Variants in BRD10 observed in about 807,000 individuals in gnomAD.
The protein encoded by BRD10 is uncharacterized bromodomain-containing protein 10.
At chr9:5,981,334 T>A in the BRD10 span, among the ~76,000 whole-genome samples, 50 of 152,264 alleles carry the variant, frequency 3.3e-4, 1 homozygote, top group African/African-American at 1.2e-3. Flanking sequence ...GGGTACCAGT[T>A]ACTCTCTCTG....
chr9:5,940,071 C>T, the BRD10 span, among the ~76,000 whole-genome samples: 1 of 152,084 alleles, frequency 6.6e-6, no homozygotes, highest in Non-Finnish European at 1.5e-5. Context: ...TCTGAATTTA[C>T]CTTATTTTAA....
the BRD10 span, among the ~76,000 whole-genome samples, chr9:5,914,414 T>TTG: frequency 6.5e-5 from 3 of 46,126 alleles, no homozygotes; most frequent in African/African-American, 1.3e-4. Context: ...CAGATGGTTT[T>TTG]TTTTTTTTTT....
the BRD10 span, chr9:5,920,309 C>G: frequency 6.2e-7 from 1 of 1,613,922 alleles, no homozygotes; most frequent in Non-Finnish European, 8.5e-7. Context: ...AACAATAAAC[C>G]GGGTTCCGTT....
the BRD10 span, among the ~76,000 whole-genome samples, chr9:5,906,368 G>C: frequency 6.6e-6 from 1 of 151,274 alleles, no homozygotes; most frequent in African/African-American, 2.4e-5. Context: ...GAAAAAAAAA[G>C]TTTTTATTTT....
chr9:5,971,969 T>C, the BRD10 span, among the ~76,000 whole-genome samples: 3 of 152,220 alleles, frequency 2.0e-5, no homozygotes, highest in Non-Finnish European at 4.4e-5. Flanking sequence ...TATGGATTTA[T>C]TGCCCAAATT....
At chr9:5,958,376 A>C in the BRD10 span, among the ~76,000 whole-genome samples, 210 of 152,290 alleles carry the variant, frequency 1.4e-3, no homozygotes, top group Middle Eastern at 3.4e-3. Flanking sequence ...TCCCCCTTTC[A>C]GTTCCCCTTT....
chr9:5,926,500 G>A, the BRD10 span, among the ~76,000 whole-genome samples: 7 of 151,976 alleles, frequency 4.6e-5, no homozygotes, highest in African/African-American at 1.7e-4. Flanking sequence ...TACAGACACA[G>A]TTGCACCATA....
the BRD10 span, among the ~76,000 whole-genome samples, chr9:6,002,003 G>C: frequency 6.6e-6 from 1 of 152,124 alleles, no homozygotes; most frequent in Non-Finnish European, 1.5e-5. Context: ...AAACCTTTTA[G>C]ATGTCCTAGC....
chr9:5,968,070 T>C, the BRD10 span: 1 of 1,554,380 alleles, frequency 6.4e-7, no homozygotes, highest in Non-Finnish European at 8.7e-7. Flanking sequence ...AATAACTTAT[T>C]CTGGATCTCA....
At chr9:5,908,573 C>G in the BRD10 span, 2 of 1,335,798 alleles carry the variant, frequency 1.5e-6, no homozygotes, top group Non-Finnish European at 2.1e-6. Context: ...ACTATTTTAA[C>G]TTAATCCCTT....
the BRD10 span, chr9:5,922,155 G>T: frequency 6.2e-7 from 1 of 1,613,934 alleles, no homozygotes; most frequent in Non-Finnish European, 8.5e-7. Context: ...GTCCTAACAA[G>T]AATTGACTGT....
At chr9:5,920,981 G>A in the BRD10 span, 1 of 1,613,854 alleles carries the variant, frequency 6.2e-7, no homozygotes, top group Non-Finnish European at 8.5e-7. Context: ...CCCAGCTGAA[G>A]CAGAGGCTGA....
chr9:5,913,609 C>A, the BRD10 span, among the ~76,000 whole-genome samples: 1 of 152,162 alleles, frequency 6.6e-6, no homozygotes, highest in Non-Finnish European at 1.5e-5. Flanking sequence ...CCTTTAAAAT[C>A]TCTTAAATCA....
the BRD10 span, among the ~76,000 whole-genome samples, chr9:5,972,358 G>C: frequency 6.6e-6 from 1 of 152,152 alleles, no homozygotes; most frequent in African/African-American, 2.4e-5. Context: ...AGAACTTCTA[G>C]AAATGAAAAA....
the BRD10 span, among the ~76,000 whole-genome samples, chr9:5,942,539 C>G: frequency 5.3e-5 from 8 of 152,168 alleles, no homozygotes; most frequent in Non-Finnish European, 2.9e-5. Flanking sequence ...ACAATAGATG[C>G]AAACTTTTAT....
the BRD10 span, among the ~76,000 whole-genome samples, chr9:5,951,035 TACACACACACACACAC>T: frequency 3.9e-4 from 55 of 141,760 alleles, no homozygotes; most frequent in African/African-American, 1.0e-3. Flanking sequence ...GGGCTGACTG[TACACACACACACACAC>T]ACACACACAC....
chr9:5,945,195 AT>A, the BRD10 span, among the ~76,000 whole-genome samples: 1 of 152,110 alleles, frequency 6.6e-6, no homozygotes, highest in African/African-American at 2.4e-5. Context: ...TTCATCCCAC[AT>A]CCCCACCTTT....
the BRD10 span, among the ~76,000 whole-genome samples, chr9:5,992,256 C>T: frequency 0.89 from 134,702 of 152,192 alleles, 60,691 homozygotes; most frequent in Non-Finnish European, 0.99. Flanking sequence ...TGCCCTCAAA[C>T]TGTGCCCTAT....
chr9:5,978,123 G>A, the BRD10 span, among the ~76,000 whole-genome samples: 1 of 151,514 alleles, frequency 6.6e-6, no homozygotes, highest in Non-Finnish European at 1.5e-5. Context: ...TTTTTTTTCT[G>A]GATCAGCTCT....
Sources: gnomAD v4.1 joint callset for allele counts (sites outside exome capture counted in the v4.1 genomes callset) on GRCh38, gnomAD v4.1.1 for gene constraint, MANE v1.5 for transcripts, NCBI Gene and HGNC (gene_info 2026-07-23, HGNC 2026-07-21) for gene names.